The following NRCAM variants were observed in gnomAD, a reference collection of about 807,000 sequenced individuals.
NRCAM encodes neuronal cell adhesion molecule.
In NRCAM, 83 loss-of-function variants were observed where a neutral mutation model predicts 156.5. That is an observed-to-expected ratio of 0.53 (90% confidence interval 0.44 to 0.64). The LOEUF is 0.64. Among genes scored for constraint, NRCAM ranks in the 30% least tolerant of loss-of-function variants. The probability of loss-of-function intolerance (pLI) is 0.00; values close to 1 mark genes in which losing one functional copy is unlikely to be tolerated. For synonymous variants in NRCAM, 538 were observed against 563.9 expected (o/e 0.95, Z 0.65); for missense variants, 1,417 against 1,597.3 (o/e 0.89, Z 1.92).
intron 1 of NRCAM, among the ~76,000 whole-genome samples, chr7:108,423,955 T>C (rs13227836): frequency 0.25 from 38,205 of 152,118 alleles, 5,103 homozygotes; most frequent in Non-Finnish European, 0.29. Flanking sequence ...AAATCCCACA[T>C]CTAAATCTGT....
At chr7:108,151,420 C>CT (rs928864097) in intron 32 of NRCAM, among the ~76,000 whole-genome samples, 64 of 150,842 alleles carry the variant, frequency 4.2e-4, no homozygotes, top group African/African-American at 1.5e-3. Context: ...CAGACAGTGA[C>CT]TTTTTTTTTC....
chr7:108,361,892 G>A (rs111815105), intron 2 of NRCAM, among the ~76,000 whole-genome samples: 6 of 134,028 alleles, frequency 4.5e-5, no homozygotes, highest in African/African-American at 8.0e-5. Flanking sequence ...ACCTCCTATT[G>A]GCCTTACTTC....
chr7:108,289,061 C>T (rs932630380), intron 3 of NRCAM, among the ~76,000 whole-genome samples: 9 of 151,940 alleles, frequency 5.9e-5, no homozygotes, highest in Non-Finnish European at 1.2e-4. Flanking sequence ...GGACTTGGAG[C>T]GATCACAGGA....
intron 2 of NRCAM, among the ~76,000 whole-genome samples, chr7:108,372,146 C>T (rs1185171599): frequency 3.3e-5 from 5 of 151,956 alleles, no homozygotes; most frequent in Non-Finnish European, 5.9e-5. Context: ...AATGGTGCTG[C>T]CAAATCTAGA....
At chr7:108,399,958 A>C (rs754252528) in intron 1 of NRCAM, among the ~76,000 whole-genome samples, 2 of 152,244 alleles carry the variant, frequency 1.3e-5, no homozygotes, top group Non-Finnish European at 2.9e-5. Context: ...ACCGTGCTCT[A>C]TAATCACATC....
chr7:108,388,412 T>C (rs565311410), intron 2 of NRCAM, among the ~76,000 whole-genome samples: 1 of 152,166 alleles, frequency 6.6e-6, no homozygotes, highest in Non-Finnish European at 1.5e-5. Context: ...GGTTGTTTGA[T>C]TTTTTCTTGT....
chr7:108,171,060 T>C (rs2058175554), intron 28 of NRCAM, among the ~76,000 whole-genome samples: 2 of 152,196 alleles, frequency 1.3e-5, no homozygotes, highest in African/African-American at 4.8e-5. Context: ...GTTTAGCCAC[T>C]TTTACCATAG....
intron 2 of NRCAM, among the ~76,000 whole-genome samples, chr7:108,355,558 T>C (rs1004340467): frequency 6.6e-6 from 1 of 152,162 alleles, no homozygotes; most frequent in Non-Finnish European, 1.5e-5. Flanking sequence ...TGGTCTGAAA[T>C]TATTAAATGG....
At chr7:108,223,591 T>C (rs1588986815) in intron 11 of NRCAM, 134 bp downstream of exon 11, 1 of 473,688 alleles carries the variant, frequency 2.1e-6, no homozygotes, top group Non-Finnish European at 3.7e-6. Context: ...TTGGAAATAA[T>C]TACCAAATTT....
At chr7:108,437,688 T>C (rs1833882199) in intron 1 of NRCAM, among the ~76,000 whole-genome samples, 1 of 152,160 alleles carries the variant, frequency 6.6e-6, no homozygotes, top group Non-Finnish European at 1.5e-5. Context: ...TATCCCACTA[T>C]GATCCTTCGA....
At chr7:108,430,664 A>T (rs1465570905) in intron 1 of NRCAM, among the ~76,000 whole-genome samples, 4 of 152,088 alleles carry the variant, frequency 2.6e-5, no homozygotes, top group Non-Finnish European at 5.9e-5. Flanking sequence ...CAGTCATCCA[A>T]AATAATTAGC....
At position 108,307,646 on chromosome 7, in the gene NRCAM, C is replaced by T. The variant is rs149639783; in HGVS notation, c.-107+5019G>A. ...CTTTGCCTTACAAAATGAATGCTGTCATGAAAGGCAAAATAAAAGAAAACA... is the reference window on the plus strand; with the variant it reads ...CTTTGCCTTACAAAATGAATGCTGTTATGAAAGGCAAAATAAAAGAAAACA... On this transcript the variant is annotated intron_variant, in intron 3 of 32. Coordinates refer to ENST00000379028, the MANE Select transcript of NRCAM (RefSeq NM_001037132.4). Among the ~76,000 whole-genome samples the T allele has an allele frequency of 6.9e-3, 1,023 of 147,514 alleles. 6 individuals are homozygous for T. Among genetic ancestry groups the T allele is most frequent in the Non-Finnish European group, 0.012 (779 of 67,046 alleles).
intron 5 of NRCAM, among the ~76,000 whole-genome samples, chr7:108,237,337 T>C (rs1450231751): frequency 1.3e-5 from 2 of 152,180 alleles, no homozygotes; most frequent in African/African-American, 4.8e-5. Flanking sequence ...TAAAAGGACA[T>C]ACAGCTGCCA....
At chr7:108,154,317 A>T (rs553175444) in intron 32 of NRCAM, among the ~76,000 whole-genome samples, 14 of 152,298 alleles carry the variant, frequency 9.2e-5, no homozygotes, top group Non-Finnish European at 1.8e-4. Context: ...CATAACTAGA[A>T]TAAGTTTTAA....
rs2063669688 is a variant in NRCAM, at chr7:108,181,834, T to C, written c.2634A>G (p.Leu878=). 1 of 1,613,418 alleles carries C rather than the reference T, an allele frequency of 6.2e-7. No individual in the cohort carries two copies. The highest frequency in any genetic ancestry group is 8.5e-7 in the Non-Finnish European group (1 of 1,179,374). ...CCCTTTCACTTGCCCGATAGCCTTGTAGGTGTCCTCGGATGCTTTTCAGAG... is the reference window on the plus strand; with the variant it reads ...CCCTTTCACTTGCCCGATAGCCTTGCAGGTGTCCTCGGATGCTTTTCAGAG... ...PVPLKSIRGH[L]QGYRIYYWKT... Residue 878 remains leucine (L), a synonymous_variant, in exon 24 of 33, where the codon CTA becomes CTG. Coordinates refer to ENST00000379028, the MANE Select transcript of NRCAM (RefSeq NM_001037132.4).
intron 12 of NRCAM, 59 bp from the exon 13 acceptor site, chr7:108,207,718 G>C (rs916516428): frequency 1.4e-6 from 2 of 1,414,482 alleles, no homozygotes; most frequent in South Asian, 2.6e-5. Context: ...TTTAGCAAAA[G>C]AACATATTGA....
rs781368465 is a variant in NRCAM at position 108,223,756 on chromosome 7, C to A, written c.859G>T (p.Val287Leu). The change falls in exon 11 of 33, where the codon GTG becomes TTG. Residue 287 changes from valine (V) to leucine (L), a missense_variant. Val to Leu is a conservative substitution (Grantham distance 32). Around this residue, in one of 2 missense-constraint regions of NRCAM, gnomAD observed 1,238 missense variants for 1,336.4 expected, o/e 0.93. Coordinates refer to ENST00000379028, the MANE Select transcript of NRCAM (RefSeq NM_001037132.4). The stretch of plus-strand genomic sequence containing the variant: ...TCTGCAATGCACTCCAGTGAAAGCA[C>A]ATTTCCTCTTAATTCCTCTTTGTTA... The part of the protein sequence containing the change: ...ASNKEELRGN[V>L]LSLECIAEGL... 1 of 1,605,134 alleles carries A rather than the reference C, an allele frequency of 6.2e-7. No individual in the cohort carries two copies. Among genetic ancestry groups the A allele is most frequent in the Non-Finnish European group, 8.5e-7 (1 of 1,172,058 alleles).
chr7:108,443,879 T>TTAGATAGATAGATAGATAG (rs1554654060), intron 1 of NRCAM, among the ~76,000 whole-genome samples: 2 of 148,130 alleles, frequency 1.4e-5, no homozygotes, highest in Non-Finnish European at 3.0e-5. Context: ...AGTATACAGA[T>TTAGATAGATAGATAGATAG]ATAGATAGAT....
At chr7:108,444,094 G>T (rs1207123627) in intron 1 of NRCAM, among the ~76,000 whole-genome samples, 2 of 151,898 alleles carry the variant, frequency 1.3e-5, no homozygotes. Context: ...ATAAAACAAT[G>T]CAACAATTTA....
Sources: allele counts gnomAD v4.1 joint callset (sites outside exome capture counted in the v4.1 genomes callset), GRCh38; gene constraint gnomAD v4.1.1; regional missense constraint gnomAD v4.1.1; transcripts MANE v1.5; gene names NCBI Gene and HGNC (gene_info 2026-07-23, HGNC 2026-07-21).